Variants in CEP85 observed in about 807,000 individuals in gnomAD.
CEP85 encodes centrosomal protein of 85 kDa.
In CEP85, 58 loss-of-function variants were observed where a neutral mutation model predicts 93.7. That is an observed-to-expected ratio of 0.62 (90% CI 0.50 to 0.77). The LOEUF (loss-of-function observed/expected upper bound fraction) is 0.77. CEP85 is among the 30% of genes least tolerant of loss of function. The pLI, the probability that CEP85 is intolerant of heterozygous loss-of-function variation, is 0.00. For synonymous variants in CEP85, 314 were observed against 338.6 expected, an observed-to-expected ratio of 0.93 and a Z score of 0.80; for missense variants, 868 against 922.0, an observed-to-expected ratio of 0.94 and a Z score of 0.76.
At chr1:26,250,324 G>C (rs112198263) in intron 3 of CEP85, among the ~76,000 whole-genome samples, 29 of 152,286 alleles carry the variant, frequency 1.9e-4, no homozygotes, top group African/African-American at 6.7e-4. Context: ...ATAGGAGCAC[G>C]AACCCTATTG....
At chr1:26,252,513 CAA>C (rs2089635303) in intron 3 of CEP85, among the ~76,000 whole-genome samples, 1 of 152,188 alleles carries the variant, frequency 6.6e-6, no homozygotes, top group African/African-American at 2.4e-5. Context: ...GCCTGGGCAA[CAA>C]GAGTGAAATT....
intron 6 of CEP85, among the ~76,000 whole-genome samples, chr1:26,259,205 C>T (rs558527830): frequency 2.6e-5 from 4 of 152,320 alleles, no homozygotes; most frequent in African/African-American, 7.2e-5. Context: ...TGCCTGAGAT[C>T]ATATAGAGAA....
intron 3 of CEP85, 63 bp from the exon 4 acceptor site, chr1:26,255,108 C>T (rs1277875716): frequency 1.8e-5 from 24 of 1,317,572 alleles, no homozygotes; most frequent in Non-Finnish European, 2.6e-5. Flanking sequence ...TCTGGCATAG[C>T]ATTCAAACTC....
chr1:26,260,317 C>G lies in CEP85; in HGVS notation c.1341+515C>G, dbSNP rs183508863. 3.9e-5 allele frequency among the ~76,000 whole-genome samples: 6 copies of G among 152,156 alleles called. No individual in the cohort carries two copies. In the East Asian group the frequency reaches 1.2e-3, roughly 29 times the overall value. ...ACCAGCCTGGCCAACATGGTGAAAC[C>G]CCGTCTCTACTAAAAATGCAAAAAT... On this transcript the variant is annotated intron_variant, in intron 7 of 13. Transcript: ENST00000451429.
At chr1:26,256,043 T>G (rs2089694773) in intron 4 of CEP85, among the ~76,000 whole-genome samples, 178 bp downstream of exon 4, 1 of 152,208 alleles carries the variant, frequency 6.6e-6, no homozygotes. Flanking sequence ...GTAGTCAAAT[T>G]AAGCACCAGA....
intron 3 of CEP85, among the ~76,000 whole-genome samples, chr1:26,251,251 G>GTTT (rs34370061): frequency 2.3e-4 from 26 of 113,646 alleles, no homozygotes; most frequent in Non-Finnish European, 3.1e-4. Context: ...CCCAAGCTTG[G>GTTT]TTTTTTTTTT....
chr1:26,262,714 C>G (rs982697979), intron 7 of CEP85, among the ~76,000 whole-genome samples: 1 of 152,196 alleles, frequency 6.6e-6, no homozygotes, highest in African/African-American at 2.4e-5. Context: ...GCAACACACT[C>G]TTAAATAAAG....
rs1365010416 is a variant in CEP85, at chr1:26,250,926, TTTTTTC to T, written c.209-4239_209-4234del. Reference sequence around the variant, plus strand: ...GAGCCAAGCTTGCCTTTTTTTTTTCTTTTTTCTTTTTTTTTTTTTTTTTTTTTTTTT... The same window carrying T: ...GAGCCAAGCTTGCCTTTTTTTTTTCTTTTTTTTTTTTTTTTTTTTTTTTTT... On this transcript the variant is annotated intron_variant, in intron 3 of 13. Coordinates refer to ENST00000451429, the MANE Select transcript of CEP85 (RefSeq NM_001319944.2). 3.0e-3 allele frequency among the ~76,000 whole-genome samples: 23 copies of T among 7,754 alleles called. 4 individuals carry two copies. Among genetic ancestry groups the T allele is most frequent in the African/African-American group, 7.8e-3 (18 of 2,312 alleles). The allele number at this position is 7,754 out of a possible 152,430, so 5.1% of individuals were successfully genotyped here. A position where few individuals can be genotyped will look rare whatever the true frequency, so the allele number is the denominator to read the frequency against.
At chr1:26,252,132 G>A (rs973153827) in intron 3 of CEP85, among the ~76,000 whole-genome samples, 1 of 152,122 alleles carries the variant, frequency 6.6e-6, no homozygotes, top group Non-Finnish European at 1.5e-5. Flanking sequence ...TCGAGAGGCT[G>A]AGGCAGAAGA....
At chr1:26,239,928 C>A in intron 2 of CEP85, 90 bp downstream of exon 2, 1 of 931,284 alleles carries the variant, frequency 1.1e-6, no homozygotes, top group Non-Finnish European at 1.7e-6. Flanking sequence ...AACAAGCATT[C>A]ACTGAAATGC....
intron 8 of CEP85, among the ~76,000 whole-genome samples, chr1:26,268,887 C>G (rs1348935874): frequency 1.3e-5 from 2 of 152,204 alleles, no homozygotes; most frequent in African/African-American, 4.8e-5. Flanking sequence ...AGGTCTCTTA[C>G]TCTTTGATTC....
chr1:26,272,040 A>G lies in CEP85; in HGVS notation c.1763A>G (p.Gln588Arg). The change falls in exon 11 of 14, where the codon CAG becomes CGG. Residue 588 changes from glutamine to arginine, a missense_variant. Gln to Arg is a conservative substitution (Grantham distance 43). Transcript: ENST00000451429. The stretch of plus-strand genomic sequence containing the variant: ...TTTCAGATTGTGGAGAAGCAGCAGC[A>G]GAAGATGGATCAGTTGCGCTCACAA... ...SLQKIVEKQQ[Q>R]KMDQLRSQVQ... 6.2e-7 allele frequency: 1 copy of G among 1,614,192 alleles called. No individual in the cohort carries two copies. Among genetic ancestry groups the G allele is most frequent in the South Asian group, 1.1e-5 (1 of 91,056 alleles).
At chr1:26,269,108 C>T (rs558962092) in intron 8 of CEP85, among the ~76,000 whole-genome samples, 1 of 152,294 alleles carries the variant, frequency 6.6e-6, no homozygotes, top group East Asian at 1.9e-4. Flanking sequence ...TCCTAACTGT[C>T]CTTCCCACCA....
At chr1:26,264,852 G>C (rs1340662227) in intron 7 of CEP85, among the ~76,000 whole-genome samples, 3 of 152,004 alleles carry the variant, frequency 2.0e-5, no homozygotes, top group Admixed American at 6.6e-5. Flanking sequence ...TGGAGACTCT[G>C]GAGTTGCTGG....
chr1:26,241,243 AATTT>A, intron 2 of CEP85, among the ~76,000 whole-genome samples: 1 of 61,834 alleles, frequency 1.6e-5, no homozygotes, highest in South Asian at 3.8e-4. Flanking sequence ...CATTCAGCAG[AATTT>A]TTTTTTTTTT....
chr1:26,274,924 C>A (rs2090030910), intron 11 of CEP85, 40 bp from the exon 12 acceptor site: 9 of 1,492,626 alleles, frequency 6.0e-6, no homozygotes, highest in Non-Finnish European at 8.2e-6. Flanking sequence ...AGACTTGTTA[C>A]CCCTACTGTG....
chr1:26,258,015 T>TTCC, intron 5 of CEP85, 128 bp from the exon 6 acceptor site: 1 of 752,432 alleles, frequency 1.3e-6, no homozygotes, highest in South Asian at 1.7e-5. Flanking sequence ...TTTGTTCTTC[T>TTCC]TCCTTCAGAA....
rs201675817 is a variant in CEP85 at position 26,255,703 on chromosome 1, C to T, written c.741C>T (p.Val247=). Residue 247 remains valine (V), a synonymous_variant, in exon 4 of 14, where the codon GTC becomes GTT. Coordinates refer to ENST00000451429, the MANE Select transcript of CEP85 (RefSeq NM_001319944.2). ...RNGPHSNSSG[V]LPLGLQPAPG... ...GACCACATTCTAATAGCAGTGGGGT[C>T]CTCCCTTTGGGACTCCAGCCTGCTC... 28 of 1,614,116 alleles carry T rather than the reference C, an allele frequency of 1.7e-5. No homozygotes were observed. In the African/African-American group the frequency reaches 2.5e-4, roughly 15 times the overall value.
chr1:26,250,438 A>G (rs552240866), intron 3 of CEP85, among the ~76,000 whole-genome samples: 2 of 152,356 alleles, frequency 1.3e-5, no homozygotes, highest in South Asian at 4.1e-4. Flanking sequence ...CCCCCCAACC[A>G]TCGTCTGTGG....
Sources: gnomAD v4.1 joint callset for allele counts (sites outside exome capture counted in the v4.1 genomes callset) on GRCh38, gnomAD v4.1.1 for gene constraint, MANE v1.5 for transcripts, NCBI Gene and HGNC (gene_info 2026-07-23, HGNC 2026-07-21) for gene names.